The following COX7B2 variants were observed in gnomAD, a reference collection of about 807,000 sequenced individuals.
COX7B2 encodes the protein cytochrome c oxidase subunit 7B2.
For synonymous variants in COX7B2, 37 were observed against 32.1 expected (o/e 1.15, Z -0.51); for missense variants, 109 against 95.9 (o/e 1.14, Z -0.57).
chr4:46,783,909 TTC>T (rs1215962519), intron 2 of COX7B2, among the ~76,000 whole-genome samples: 3 of 152,238 alleles, frequency 2.0e-5, no homozygotes, highest in South Asian at 2.1e-4. Context: ...GCAGTTTTAC[TTC>T]TCTTTATGGT....
chr4:46,800,650 C>G (rs577253245), intron 2 of COX7B2, among the ~76,000 whole-genome samples: 1 of 152,004 alleles, frequency 6.6e-6, no homozygotes, highest in South Asian at 2.1e-4. Context: ...CTATAAAATC[C>G]CTTGAAGAAA....
intron 2 of COX7B2, among the ~76,000 whole-genome samples, chr4:46,813,180 C>T (rs1431453506): frequency 6.6e-6 from 1 of 152,130 alleles, no homozygotes; most frequent in African/African-American, 2.4e-5. Context: ...AGATTTCATT[C>T]CTTTATATGA....
At chr4:46,746,309 T>C (rs942818418) in intron 2 of COX7B2, among the ~76,000 whole-genome samples, 2 of 152,344 alleles carry the variant, frequency 1.3e-5, no homozygotes, top group African/African-American at 2.4e-5. Flanking sequence ...TTATACTCTA[T>C]TTGAGGAAGA....
intron 1 of COX7B2, among the ~76,000 whole-genome samples, chr4:46,872,649 T>C (rs1718064790): frequency 2.0e-5 from 3 of 152,112 alleles, no homozygotes; most frequent in Non-Finnish European, 4.4e-5. Context: ...AGAGCAGTTC[T>C]ATTGCATAGC....
rs146817537 is a variant in COX7B2, at chr4:46,736,733, C to A, written c.-49-1492G>T. 1.3e-3 allele frequency among the ~76,000 whole-genome samples: 196 copies of A among 152,266 alleles called. No homozygotes were observed. In the Middle Eastern group the frequency reaches 0.017, roughly 13 times the overall value. On this transcript the variant is annotated intron_variant, in intron 2 of 2. Transcript: ENST00000355591. The stretch of plus-strand genomic sequence containing the variant: ...ACAGTATACCTGTTCAGACTGGCTT[C>A]TTTCACTTCAAAATATACTTTTAAA...
At chr4:46,881,324 G>A (rs572705489) in intron 1 of COX7B2, among the ~76,000 whole-genome samples, 1 of 152,304 alleles carries the variant, frequency 6.6e-6, no homozygotes, top group African/African-American at 2.4e-5. Context: ...GCAAAGGCAG[G>A]AAGACTCAAA....
At chr4:46,884,574 C>T (rs1482250078) in intron 1 of COX7B2, among the ~76,000 whole-genome samples, 1 of 152,082 alleles carries the variant, frequency 6.6e-6, no homozygotes, top group East Asian at 1.9e-4. Context: ...ATGATTGTTT[C>T]CCCAACACAT....
At position 46,906,219 on chromosome 4, in the gene COX7B2, C is replaced by T. The variant is rs114286261; in HGVS notation, c.-105+2941G>A. 3.9e-3 allele frequency among the ~76,000 whole-genome samples: 590 copies of T among 152,130 alleles called. 6 individuals carry two copies. The highest frequency in any genetic ancestry group is 0.014 in the African/African-American group (575 of 41,474). On this transcript the variant is annotated intron_variant, in intron 1 of 2. Coordinates refer to ENST00000355591, the MANE Select transcript of COX7B2 (RefSeq NM_130902.3). The stretch of plus-strand genomic sequence containing the variant: ...TGGTGACCTGCCCCTCAGGGAGGGT[C>T]TCCTCTCTCATCTATTTATTTCAGC...
At chr4:46,775,081 CA>C (rs200141661) in intron 2 of COX7B2, among the ~76,000 whole-genome samples, 1,672 of 152,096 alleles carry the variant, frequency 0.011, 20 homozygotes, top group Middle Eastern at 0.041. Context: ...ATAATTACCT[CA>C]ATTCTAGACA....
chr4:46,737,974 A>G (rs1056832917), intron 2 of COX7B2, among the ~76,000 whole-genome samples: 29 of 152,184 alleles, frequency 1.9e-4, no homozygotes, highest in South Asian at 4.1e-4. Context: ...GGTTCAAGAT[A>G]TTAAAAAATG....
At chr4:46,868,763 A>G (rs778971738) in intron 1 of COX7B2, among the ~76,000 whole-genome samples, 45 of 152,148 alleles carry the variant, frequency 3.0e-4, no homozygotes, top group Non-Finnish European at 5.9e-4. Flanking sequence ...GTTCTTTCGC[A>G]TTTGCTGAGG....
intron 2 of COX7B2, among the ~76,000 whole-genome samples, chr4:46,789,166 G>A (rs1340789594): frequency 6.6e-6 from 1 of 152,140 alleles, no homozygotes; most frequent in Non-Finnish European, 1.5e-5. Flanking sequence ...TCAAAGATTA[G>A]GAAGTTGATT....
At chr4:46,861,725 C>T (rs187739154) in intron 1 of COX7B2, among the ~76,000 whole-genome samples, 1 of 152,292 alleles carries the variant, frequency 6.6e-6, no homozygotes, top group African/African-American at 2.4e-5. Flanking sequence ...CTGACTTAAG[C>T]GGTGGTTGTA....
Position 46,893,546 on chromosome 4 carries a change from C to A in COX7B2, c.-105+15614G>T, listed in dbSNP as rs78747595. Among the ~76,000 whole-genome samples the A allele has an allele frequency of 3.0e-4, 45 of 152,208 alleles. No homozygotes were observed. In the East Asian group the frequency reaches 8.7e-3, roughly 29 times the overall value. The stretch of plus-strand genomic sequence containing the variant: ...AAATACATTCAGGCCTGAATGAGTT[C>A]TGTGGCAATAGCTGTGGCAGCTATT... On this transcript the variant is annotated intron_variant, in intron 1 of 2. Coordinates refer to ENST00000355591, the MANE Select transcript of COX7B2 (RefSeq NM_130902.3).
intron 2 of COX7B2, among the ~76,000 whole-genome samples, chr4:46,820,832 A>T (rs866378482): frequency 0.013 from 1,872 of 141,294 alleles, 32 homozygotes; most frequent in East Asian, 0.1. Flanking sequence ...AAAAAAAAAA[A>T]AAATATATAT....
intron 1 of COX7B2, among the ~76,000 whole-genome samples, chr4:46,872,761 C>T (rs1319600500): frequency 1.3e-5 from 2 of 152,088 alleles, no homozygotes; most frequent in African/African-American, 4.8e-5. Context: ...TCATTTTGTG[C>T]CTAACTTCCC....
chr4:46,740,089 T>G (rs1176910466), intron 2 of COX7B2, among the ~76,000 whole-genome samples: 1 of 152,128 alleles, frequency 6.6e-6, no homozygotes, highest in South Asian at 2.1e-4. Flanking sequence ...CTAGTGTCTC[T>G]GTTTATCTTT....
intron 1 of COX7B2, among the ~76,000 whole-genome samples, chr4:46,887,869 A>G (rs1719177101): frequency 1.3e-5 from 2 of 152,076 alleles, no homozygotes; most frequent in Non-Finnish European, 2.9e-5. Context: ...TCTAAAATGA[A>G]AAAAAGGTTG....
In COX7B2 at chr4:46,821,814, A is replaced by G. The variant is rs142572471; in HGVS notation, c.-50+23146T>C. 1.8e-4 allele frequency among the ~76,000 whole-genome samples: 28 copies of G among 152,356 alleles called. No homozygotes were observed. The East Asian group carries it at 5.0e-3, about 27-fold the overall frequency. ...TATTATAAACTAAGCCTAGGAAACT[A>G]AAATCATGGCATATGTCTCTCACAT... On this transcript the variant is annotated intron_variant, in intron 2 of 2. Coordinates refer to ENST00000355591, the MANE Select transcript of COX7B2 (RefSeq NM_130902.3).
Sources: allele counts gnomAD v4.1 joint callset (sites outside exome capture counted in the v4.1 genomes callset), GRCh38; gene constraint gnomAD v4.1.1; transcripts MANE v1.5; gene names NCBI Gene and HGNC (gene_info 2026-07-23, HGNC 2026-07-21).